Variants in CEP112 observed in about 807,000 individuals in gnomAD.
CEP112 encodes centrosomal protein 112.
In CEP112, 127 loss-of-function variants were observed where a neutral mutation model predicts 153.0. That is an observed-to-expected ratio of 0.83 (90% CI 0.72 to 0.96). The LOEUF (loss-of-function observed/expected upper bound fraction) is 0.96, where lower values mean the gene tolerates loss of function less well. CEP112 is among the 40% of genes least tolerant of loss of function. The probability of loss-of-function intolerance (pLI) is 0.00; values close to 1 mark genes in which losing one functional copy is unlikely to be tolerated. For missense variants in CEP112, 1,089 were observed against 1,101.2 expected, an observed-to-expected ratio of 0.99 and a Z score of 0.16; for synonymous variants, 358 against 374.4, an observed-to-expected ratio of 0.96 and a Z score of 0.51.
chr17:65,864,476 AG>A (rs1568134814), intron 20 of CEP112, among the ~76,000 whole-genome samples: 20 of 152,146 alleles, frequency 1.3e-4, no homozygotes, highest in African/African-American at 4.3e-4. Context: ...TAATAACTGG[AG>A]CCCTGACGCC....
intron 24 of CEP112, among the ~76,000 whole-genome samples, chr17:65,651,513 A>G (rs1194173247): frequency 6.6e-6 from 1 of 152,228 alleles, no homozygotes; most frequent in Non-Finnish European, 1.5e-5. Context: ...AGAAATATCC[A>G]CACTGTTTTC....
At chr17:65,869,895 A>G (rs185289475) in intron 20 of CEP112, among the ~76,000 whole-genome samples, 2 of 152,088 alleles carry the variant, frequency 1.3e-5, no homozygotes, top group East Asian at 3.9e-4. Context: ...GATAAACTTT[A>G]ATTTGGTTAA....
intron 20 of CEP112, among the ~76,000 whole-genome samples, chr17:65,882,344 AC>A (rs763943710): frequency 2.0e-5 from 3 of 152,248 alleles, no homozygotes; most frequent in Non-Finnish European, 4.4e-5. Context: ...GGCATCTTCA[AC>A]AGCTAGCAAT....
intron 21 of CEP112, among the ~76,000 whole-genome samples, chr17:65,811,807 C>T (rs1488515815): frequency 6.6e-6 from 1 of 152,046 alleles, no homozygotes; most frequent in Non-Finnish European, 1.5e-5. Flanking sequence ...TTTTATAAAT[C>T]TCCTATTTAG....
intron 20 of CEP112, among the ~76,000 whole-genome samples, chr17:65,871,007 G>A (rs1302565794): frequency 6.6e-6 from 1 of 152,154 alleles, no homozygotes; most frequent in South Asian, 2.1e-4. Context: ...ACCCAAACAC[G>A]ATACACACTA....
At chr17:65,987,896 G>C (rs1025925004) in intron 17 of CEP112, among the ~76,000 whole-genome samples, 1 of 152,174 alleles carries the variant, frequency 6.6e-6, no homozygotes, top group East Asian at 1.9e-4. Flanking sequence ...TTCCCTGGCA[G>C]AGGACCTGTC....
chr17:65,826,321 T>C, intron 21 of CEP112: 1 of 1,613,812 alleles, frequency 6.2e-7, no homozygotes. Flanking sequence ...CCCATTAAGA[T>C]CTCAGAAGCA....
chr17:65,825,089 T>C (rs910173600), intron 21 of CEP112, among the ~76,000 whole-genome samples: 10 of 152,222 alleles, frequency 6.6e-5, no homozygotes, highest in African/African-American at 2.2e-4. Context: ...TGTCTGTCCA[T>C]TGGCAGATGA....
At chr17:66,160,527 G>T (rs1025611540) in intron 4 of CEP112, among the ~76,000 whole-genome samples, 1 of 152,154 alleles carries the variant, frequency 6.6e-6, no homozygotes, top group African/African-American at 2.4e-5. Flanking sequence ...AGAGGCCTCA[G>T]AAATAACAGC....
At chr17:66,081,407 T>C (rs2067711943) in intron 8 of CEP112, among the ~76,000 whole-genome samples, 1 of 152,112 alleles carries the variant, frequency 6.6e-6, no homozygotes, top group Admixed American at 6.5e-5. Flanking sequence ...TCTTAGGATA[T>C]TGGCAATTAT....
chr17:66,133,729 G>C (rs996186573), intron 4 of CEP112, among the ~76,000 whole-genome samples: 1 of 152,088 alleles, frequency 6.6e-6, no homozygotes, highest in African/African-American at 2.4e-5. Flanking sequence ...ATGAATTAAA[G>C]TCACTAACAT....
Position 65,726,724 on chromosome 17 carries a change from A to G in CEP112, c.2607+16344T>C, listed in dbSNP as rs184718239. Among the ~76,000 whole-genome samples the G allele has an allele frequency of 1.3e-4, 20 of 152,336 alleles. 1 individual carries two copies. In the East Asian group the frequency reaches 3.7e-3, roughly 28 times the overall value. ...ATTAAGACATCATCAAAAGATATAA[A>G]ATAAAAAATGGAAAGTCCTATTGCC... On this transcript the variant is annotated intron_variant, in intron 23 of 26. Transcript: ENST00000535342.
intron 24 of CEP112, among the ~76,000 whole-genome samples, chr17:65,661,357 G>C (rs2046377431): frequency 6.6e-6 from 1 of 152,092 alleles, no homozygotes; most frequent in Non-Finnish European, 1.5e-5. Flanking sequence ...CTATGTATTA[G>C]GCACCATAGT....
At chr17:66,120,550 C>G (rs917870289) in intron 6 of CEP112, among the ~76,000 whole-genome samples, 1 of 152,074 alleles carries the variant, frequency 6.6e-6, no homozygotes, top group African/African-American at 2.4e-5. Context: ...AGCTATAGGA[C>G]TATGCAGGTT....
At chr17:66,002,760 G>A (rs1485372681) in intron 17 of CEP112, among the ~76,000 whole-genome samples, 1 of 152,016 alleles carries the variant, frequency 6.6e-6, no homozygotes, top group Non-Finnish European at 1.5e-5. Context: ...TTCTCTGATA[G>A]CCTCTCTACT....
At chr17:65,871,116 T>C (rs2058658084) in intron 20 of CEP112, among the ~76,000 whole-genome samples, 1 of 152,220 alleles carries the variant, frequency 6.6e-6, no homozygotes, top group Admixed American at 6.5e-5. Flanking sequence ...TCTAAAGTTT[T>C]GGTTGCTTAA....
At chr17:65,876,687 T>C (rs1349287077) in intron 20 of CEP112, among the ~76,000 whole-genome samples, 1 of 152,186 alleles carries the variant, frequency 6.6e-6, no homozygotes, top group Non-Finnish European at 1.5e-5. Flanking sequence ...TTGAACATCT[T>C]GGATTAATCA....
At chr17:65,744,759 T>C (rs937196450) in intron 22 of CEP112, among the ~76,000 whole-genome samples, 1 of 152,254 alleles carries the variant, frequency 6.6e-6, no homozygotes, top group African/African-American at 2.4e-5. Flanking sequence ...GAAACTTTTA[T>C]ATTTAATTGG....
chr17:65,940,086 G>A (rs1839229890), intron 18 of CEP112, among the ~76,000 whole-genome samples: 1 of 152,148 alleles, frequency 6.6e-6, no homozygotes, highest in Admixed American at 6.5e-5. Context: ...GACCTAACCA[G>A]ATATTTCTCA....
Sources: allele counts gnomAD v4.1 joint callset (sites outside exome capture counted in the v4.1 genomes callset), GRCh38; gene constraint gnomAD v4.1.1; transcripts MANE v1.5; gene names NCBI Gene and HGNC (gene_info 2026-07-23, HGNC 2026-07-21).